SULT1C3: variants seen among roughly 807,000 people sequenced by gnomAD.
SULT1C3 encodes sulfotransferase 1C3.
SULT1C3 carries 31 observed loss-of-function variants against 28.4 expected under a neutral mutation model. The observed-to-expected ratio is 1.09, with a 90% CI of 0.82 to 1.47. The LOEUF is 1.47. SULT1C3 is among the 40% of genes most tolerant of loss of function. The pLI is 0.00. For synonymous variants in SULT1C3, 106 were observed against 92.2 expected (o/e 1.15, Z -0.86); for missense variants, 307 against 272.5 (o/e 1.13, Z -0.89).
chr2:108,254,753 G>GTATGTATATATGTATGTATGCATATA (rs1178917071), intron 4 of SULT1C3, among the ~76,000 whole-genome samples: 5,073 of 126,400 alleles, frequency 0.04, 419 homozygotes, highest in African/African-American at 0.15. Flanking sequence ...GCATACATAT[G>GTATGTATATATGTATGTATGCATATA]TATGTATATA....
chr2:108,240,269 T>C (rs963659364), intron 1 of SULT1C3, among the ~76,000 whole-genome samples, 186 bp downstream of exon 1: 2 of 152,236 alleles, frequency 1.3e-5, no homozygotes, highest in East Asian at 1.9e-4. Context: ...TCAGATGGTA[T>C]TGGGTCCTGA....
At chr2:108,253,264 A>T in intron 3 of SULT1C3, 81 bp from the exon 4 acceptor site, 3 of 899,236 alleles carry the variant, frequency 3.3e-6, no homozygotes, top group African/African-American at 1.7e-5. Context: ...TAATCACTCT[A>T]CAGACAAAGA....
At chr2:108,262,235 G>T (rs1053312543), downstream of SULT1C3, among the ~76,000 whole-genome samples, 7 of 152,152 alleles carry the variant, frequency 4.6e-5, no homozygotes, top group Non-Finnish European at 7.3e-5. Flanking sequence ...TTGGAGACAT[G>T]AGAATCCACA....
In SULT1C3 at chr2:108,242,228, C is replaced by T. The variant is rs370163384; in HGVS notation, c.-8+2145C>T. On this transcript the variant is annotated intron_variant, in intron 1 of 7. Coordinates refer to ENST00000681802, the MANE Select transcript of SULT1C3 (RefSeq NM_001320878.2). ...TTCTTAAAGCCATGTGAACTAAAAA[C>T]GTATTTGATTTAAGCAATTATTTTT... 6.9e-4 allele frequency among the ~76,000 whole-genome samples: 105 copies of T among 152,254 alleles called. No homozygotes were observed. In the South Asian group the frequency reaches 0.021, roughly 31 times the overall value.
rs763554272 is a variant in SULT1C3 at position 108,258,806 on chromosome 2, T to G, written c.599T>G (p.Leu200Arg). Residue 200 changes from leucine to arginine, a missense_variant, in exon 6 of 8, where the codon CTC becomes CGC. Coordinates refer to ENST00000681802, the MANE Select transcript of SULT1C3 (RefSeq NM_001320878.2). ...AAKDMHRILY[L>R]FYEDIKKNPK... ...AAAGACATGCACCGGATCCTCTACC[T>G]CTTCTACGAGGATATTAAAAAAGTA... The G allele has an allele frequency of 6.2e-7, 1 of 1,612,570 alleles. No homozygotes were observed. The highest frequency in any genetic ancestry group is 1.7e-5 in the Admixed American group (1 of 59,846).
intron 1 of SULT1C3, among the ~76,000 whole-genome samples, chr2:108,246,656 AC>A (rs1179563901): frequency 3.3e-5 from 5 of 152,216 alleles, no homozygotes; most frequent in Admixed American, 6.5e-5. Flanking sequence ...TGAAAAAAAA[AC>A]TACATGAAAT....
intron 1 of SULT1C3, among the ~76,000 whole-genome samples, chr2:108,242,469 T>TC (rs771763134): frequency 1.1e-4 from 17 of 152,188 alleles, no homozygotes; most frequent in African/African-American, 3.1e-4. Flanking sequence ...AATTAGCCCA[T>TC]CCCCCCATAG....
intron 7 of SULT1C3, among the ~76,000 whole-genome samples, chr2:108,260,045 A>G (rs1456215425): frequency 6.6e-6 from 1 of 152,170 alleles, no homozygotes; most frequent in East Asian, 1.9e-4. Flanking sequence ...TTAGAGAAAC[A>G]ATTCATTAGT....
At chr2:108,264,486 C>T (rs2104396446), downstream of SULT1C3, among the ~76,000 whole-genome samples, 1 of 152,286 alleles carries the variant, frequency 6.6e-6, no homozygotes, top group African/African-American at 2.4e-5. Context: ...CCTGTTCTCC[C>T]CCAGGAGATA....
intron 1 of SULT1C3, among the ~76,000 whole-genome samples, chr2:108,240,526 T>C (rs542206086): frequency 2.6e-5 from 4 of 152,300 alleles, no homozygotes; most frequent in Admixed American, 2.6e-4. Context: ...AGTTTTATTT[T>C]CCCAAACAAA....
chr2:108,259,313 T>C (rs1675961355), intron 7 of SULT1C3, among the ~76,000 whole-genome samples, 167 bp downstream of exon 7: 1 of 152,126 alleles, frequency 6.6e-6, no homozygotes, highest in African/African-American at 2.4e-5. Flanking sequence ...TCAGTGGTTC[T>C]GAAACTTGAG....
chr2:108,258,635 G>T (rs998115289), intron 5 of SULT1C3, 99 bp from the exon 6 acceptor site: 1 of 846,596 alleles, frequency 1.2e-6, no homozygotes, highest in South Asian at 2.0e-5. Flanking sequence ...GAACCAGAAC[G>T]ATAGTTACAG....
At chr2:108,264,984 A>G (rs369986519), downstream of SULT1C3, 2 of 1,611,414 alleles carry the variant, frequency 1.2e-6, no homozygotes, top group African/African-American at 2.7e-5. Flanking sequence ...GGACCACTCC[A>G]TCTCCCCTTT....
chr2:108,254,131 C>G (rs1201103466), intron 4 of SULT1C3, among the ~76,000 whole-genome samples: 2 of 152,024 alleles, frequency 1.3e-5, no homozygotes, highest in African/African-American at 4.8e-5. Flanking sequence ...ACTATAAACA[C>G]TTCCACAGGT....
chr2:108,264,352 T>C (rs756542309), downstream of SULT1C3, among the ~76,000 whole-genome samples: 1 of 152,224 alleles, frequency 6.6e-6, no homozygotes, highest in Non-Finnish European at 1.5e-5. Context: ...ATTCCTTTTA[T>C]TCCTCCTCTT....
At chr2:108,252,186 GATGGATA>G (rs1675745410) in intron 2 of SULT1C3, among the ~76,000 whole-genome samples, 172 bp from the exon 3 acceptor site, 6 of 149,162 alleles carry the variant, frequency 4.0e-5, no homozygotes, top group South Asian at 2.1e-4. Flanking sequence ...TAGATAGATA[GATGGATA>G]GATAGATGGA....
At chr2:108,248,208 T>C (rs1432103073) in intron 2 of SULT1C3, among the ~76,000 whole-genome samples, 2 of 152,066 alleles carry the variant, frequency 1.3e-5, no homozygotes, top group Admixed American at 6.6e-5. Flanking sequence ...GTAGCCACAT[T>C]TGGGACAGTT....
rs76686317 is a variant in SULT1C3, at chr2:108,244,556, C to T, written c.-7-2632C>T. On this transcript the variant is annotated intron_variant, in intron 1 of 7. Transcript: ENST00000681802. ...ACATATTACTTATTTCCAAAATTCT[C>T]ATCTGCTTGCAGAGCTGCCTATTTT... Among the ~76,000 whole-genome samples the T allele has an allele frequency of 3.1e-4, 47 of 152,288 alleles. No homozygotes were observed. The East Asian group carries it at 9.1e-3, about 29-fold the overall frequency.
chr2:108,260,036 T>C (rs1029815074), intron 7 of SULT1C3, among the ~76,000 whole-genome samples: 2 of 152,108 alleles, frequency 1.3e-5, no homozygotes, highest in African/African-American at 4.8e-5. Context: ...TAGGATAACT[T>C]AGAGAAACAA....
Sources: gnomAD v4.1 joint callset for allele counts (sites outside exome capture counted in the v4.1 genomes callset) on GRCh38, gnomAD v4.1.1 for gene constraint, MANE v1.5 for transcripts, NCBI Gene and HGNC (gene_info 2026-07-23, HGNC 2026-07-21) for gene names.